The following PDZRN3 variants were observed in gnomAD, a reference collection of about 807,000 sequenced individuals.
The protein encoded by PDZRN3 is E3 ubiquitin-protein ligase PDZRN3.
In PDZRN3, 38 loss-of-function variants were observed where a neutral mutation model predicts 85.7. The observed-to-expected ratio is 0.44, with a 90% confidence interval of 0.34 to 0.58. The LOEUF is 0.58. PDZRN3 is among the 20% of genes least tolerant of loss of function. The pLI is 0.01. For missense variants in PDZRN3, 1,629 were observed against 1,506.4 expected (o/e 1.08, Z -1.35); for synonymous variants, 759 against 638.0 (o/e 1.19, Z -2.86).
chr3:73,602,499 C>T, intron 2 of PDZRN3, 38 bp from the exon 3 acceptor site: 1 of 1,031,244 alleles, frequency 9.7e-7, no homozygotes, highest in Non-Finnish European at 1.5e-6. Context: ...GAATGCTAGG[C>T]ATTAAGTTGA....
At chr3:73,551,784 A>C (rs1701565316) in intron 3 of PDZRN3, among the ~76,000 whole-genome samples, 1 of 152,110 alleles carries the variant, frequency 6.6e-6, no homozygotes, top group South Asian at 2.1e-4. Context: ...AAAGTGCTAA[A>C]GGGTCATATT....
At chr3:73,402,671 A>G (rs1286132951) in intron 4 of PDZRN3, among the ~76,000 whole-genome samples, 1 of 152,190 alleles carries the variant, frequency 6.6e-6, no homozygotes, top group Non-Finnish European at 1.5e-5. Context: ...ACAGCTAGCC[A>G]CTAAGACCAA....
chr3:73,487,633 T>C (rs914925550), intron 3 of PDZRN3, among the ~76,000 whole-genome samples: 8 of 152,158 alleles, frequency 5.3e-5, no homozygotes, highest in East Asian at 1.9e-4. Context: ...TTCTTTTTTT[T>C]CCCCCATAAA....
intron 3 of PDZRN3, among the ~76,000 whole-genome samples, chr3:73,594,375 G>C (rs566071003): frequency 3.3e-5 from 5 of 152,218 alleles, no homozygotes; most frequent in African/African-American, 9.6e-5. Flanking sequence ...AAAAGTTTTT[G>C]TTAACTTCTA....
At chr3:73,558,759 G>T (rs778466925) in intron 3 of PDZRN3, among the ~76,000 whole-genome samples, 1 of 152,224 alleles carries the variant, frequency 6.6e-6, no homozygotes, top group Non-Finnish European at 1.5e-5. Context: ...ACGAAGAACT[G>T]TAATTAACTA....
intron 3 of PDZRN3, among the ~76,000 whole-genome samples, chr3:73,408,941 C>G (rs1056455642): frequency 6.6e-6 from 1 of 151,994 alleles, no homozygotes. Flanking sequence ...ACGGGATGCA[C>G]CCAGTGACGT....
intron 3 of PDZRN3, among the ~76,000 whole-genome samples, chr3:73,456,785 G>A (rs1163818007): frequency 6.6e-6 from 1 of 152,186 alleles, no homozygotes; most frequent in Admixed American, 6.5e-5. Flanking sequence ...AAATGTTAAA[G>A]GTAGCTATAA....
At chr3:73,504,627 C>G (rs1330737856) in intron 3 of PDZRN3, among the ~76,000 whole-genome samples, 2 of 152,160 alleles carry the variant, frequency 1.3e-5, no homozygotes, top group Admixed American at 6.5e-5. Context: ...GATTACAGAT[C>G]TGACATATTT....
intron 3 of PDZRN3, among the ~76,000 whole-genome samples, chr3:73,512,741 A>C (rs1017784395): frequency 6.6e-6 from 1 of 152,236 alleles, no homozygotes; most frequent in African/African-American, 2.4e-5. Context: ...GCTATAGGAT[A>C]GAGTCATACT....
intron 4 of PDZRN3, 180 bp from the exon 5 acceptor site, chr3:73,401,189 A>G: frequency 1.8e-6 from 1 of 552,568 alleles, no homozygotes; most frequent in Non-Finnish European, 3.3e-6. Flanking sequence ...TAATTTTACC[A>G]TTTGCCTTTA....
chr3:73,397,278 C>T (rs1701658779), intron 5 of PDZRN3, among the ~76,000 whole-genome samples: 1 of 152,202 alleles, frequency 6.6e-6, no homozygotes, highest in South Asian at 2.1e-4. Flanking sequence ...TATATAATAT[C>T]CATGGAACTA....
intron 3 of PDZRN3, among the ~76,000 whole-genome samples, chr3:73,558,245 A>AT (rs1270199309): frequency 6.6e-6 from 1 of 151,330 alleles, no homozygotes; most frequent in African/African-American, 2.4e-5. Flanking sequence ...ATCCAGGAGC[A>AT]TATCTGGAAA....
chr3:73,578,412 C>T (rs566504559), intron 3 of PDZRN3, among the ~76,000 whole-genome samples: 15 of 152,220 alleles, frequency 9.9e-5, no homozygotes, highest in South Asian at 2.1e-4. Flanking sequence ...CCTCGTGATC[C>T]GCCAGCCTTG....
chr3:73,484,918 A>G (rs941223458), intron 3 of PDZRN3, among the ~76,000 whole-genome samples: 10 of 152,226 alleles, frequency 6.6e-5, no homozygotes, highest in Non-Finnish European at 1.5e-4. Flanking sequence ...ACCCGAAACC[A>G]GGGCGAGCCA....
intron 3 of PDZRN3, among the ~76,000 whole-genome samples, chr3:73,553,797 C>T (rs1345971899): frequency 1.3e-5 from 2 of 152,140 alleles, no homozygotes; most frequent in Non-Finnish European, 2.9e-5. Flanking sequence ...ATCCCTACTT[C>T]AGCTCTGGCA....
At chr3:73,447,042 TATATATATATATATAAAGAATTGCA>T (rs1702762622) in intron 3 of PDZRN3, among the ~76,000 whole-genome samples, 1 of 5,600 alleles carries the variant, frequency 1.8e-4, no homozygotes, top group Non-Finnish European at 5.3e-4. Flanking sequence ...ACCTCTTGAC[TATATATATATATATAAAGAATTGCA>T]ATATATATAT....
At chr3:73,581,817 A>T (rs1424978425) in intron 3 of PDZRN3, among the ~76,000 whole-genome samples, 1 of 151,304 alleles carries the variant, frequency 6.6e-6, no homozygotes, top group African/African-American at 2.4e-5. Context: ...AAAAAAAAAA[A>T]GCTGAACATG....
At position 73,384,548 on chromosome 3, in the gene PDZRN3, G is replaced by C. The variant is rs771519463; in HGVS notation, c.2018C>G (p.Ala673Gly). ...GLYYPSGPLD[A>G]GKSDPESVDK... Reference sequence around the variant, plus strand: ...CACGCTCTCAGGGTCACTCTTGCCGGCGTCCAGGGGGCCGCTAGGGTAGTA... The same window carrying C: ...CACGCTCTCAGGGTCACTCTTGCCGCCGTCCAGGGGGCCGCTAGGGTAGTA... The change falls in exon 10 of 10, where the codon GCC becomes GGC. Residue 673 changes from alanine to glycine, a missense_variant. Transcript: ENST00000263666. 25 of 1,613,564 alleles carry C rather than the reference G, an allele frequency of 1.5e-5. No individual in the cohort carries two copies. The East Asian group carries it at 5.3e-4, about 35-fold the overall frequency.
intron 3 of PDZRN3, among the ~76,000 whole-genome samples, chr3:73,562,575 A>G (rs1373103919): frequency 2.6e-5 from 4 of 152,146 alleles, no homozygotes; most frequent in Admixed American, 6.5e-5. Context: ...TCACAAACCT[A>G]TATTTACCAA....
Sources: allele counts gnomAD v4.1 joint callset (sites outside exome capture counted in the v4.1 genomes callset), GRCh38; gene constraint gnomAD v4.1.1; transcripts MANE v1.5; gene names NCBI Gene and HGNC (gene_info 2026-07-23, HGNC 2026-07-21).